The following UTS2 variants were observed in gnomAD, a reference collection of about 807,000 sequenced individuals.
UTS2 encodes urotensin-2.
UTS2 carries 10 observed loss-of-function variants against 12.6 expected under a neutral mutation model. That is an observed-to-expected ratio of 0.80 (90% CI 0.49 to 1.35). The LOEUF is 1.35. UTS2 is among the 40% of genes most tolerant of loss of function. The pLI is 0.00. For missense variants in UTS2, 142 were observed against 143.2 expected (o/e 0.99, Z 0.04); for synonymous variants, 52 against 50.0 (o/e 1.04, Z -0.17).
the UTS2 span, among the ~76,000 whole-genome samples, chr1:7,906,916 C>T: frequency 1.3e-5 from 2 of 152,034 alleles, no homozygotes; most frequent in African/African-American, 2.4e-5. Flanking sequence ...GAGACACATA[C>T]GATCATTATT....
chr1:7,850,848 G>A lies in UTS2; in HGVS notation c.178C>T (p.Leu60=), dbSNP rs1224734085. 4 of 1,614,200 alleles carry A rather than the reference G, an allele frequency of 2.5e-6. No homozygotes were observed. Among genetic ancestry groups the A allele is most frequent in the Non-Finnish European group, 1.7e-6 (2 of 1,180,038 alleles). ...AGAATATCCCCTCTTTCTGCACCCA[G>A]CATCTCTGGCAGTATCTGTAGAAGG... ...ASLLQILPEM[L]GAERGDILRK... Residue 60 remains leucine, a synonymous_variant, in exon 2 of 4, where the codon CTG becomes TTG. Coordinates refer to ENST00000361696, the MANE Select transcript of UTS2 (RefSeq NM_006786.4).
At chr1:7,877,346 G>T in the UTS2 span, among the ~76,000 whole-genome samples, 4 of 152,032 alleles carry the variant, frequency 2.6e-5, no homozygotes, top group African/African-American at 9.6e-5. Flanking sequence ...ACAATGCAAA[G>T]AAATCAGAGA....
At chr1:7,876,471 A>G in the UTS2 span, among the ~76,000 whole-genome samples, 1 of 152,170 alleles carries the variant, frequency 6.6e-6, no homozygotes, top group Non-Finnish European at 1.5e-5. Flanking sequence ...CACCACCAGT[A>G]CTGTTATCAT....
chr1:7,848,959 G>A (rs2151381843), intron 3 of UTS2, among the ~76,000 whole-genome samples: 2 of 152,248 alleles, frequency 1.3e-5, no homozygotes, highest in South Asian at 4.2e-4. Flanking sequence ...CAGGTCCTAG[G>A]TGGGCCTAAG....
chr1:7,911,119 G>A, the UTS2 span, among the ~76,000 whole-genome samples: 3 of 151,944 alleles, frequency 2.0e-5, no homozygotes, highest in Non-Finnish European at 4.4e-5. Context: ...GACCCAAGAC[G>A]GCTATCAGAC....
At chr1:7,849,415 T>C (rs2097411548) in intron 3 of UTS2, among the ~76,000 whole-genome samples, 1 of 152,152 alleles carries the variant, frequency 6.6e-6, no homozygotes, top group Admixed American at 6.5e-5. Context: ...TTCACCATGT[T>C]GGCCAGGCTG....
At chr1:7,860,832 C>A in the UTS2 span, among the ~76,000 whole-genome samples, 1,025 of 152,062 alleles carry the variant, frequency 6.7e-3, 13 homozygotes, top group African/African-American at 0.024. Context: ...CACTTGAGAT[C>A]AGGAGTTCGA....
At chr1:7,878,799 A>G in the UTS2 span, among the ~76,000 whole-genome samples, 1 of 152,238 alleles carries the variant, frequency 6.6e-6, no homozygotes, top group African/African-American at 2.4e-5. Context: ...GTAGACACAT[A>G]TGGACTAAAA....
At chr1:7,904,274 T>G in the UTS2 span, among the ~76,000 whole-genome samples, 1 of 149,806 alleles carries the variant, frequency 6.7e-6, no homozygotes. Context: ...GAGTCCAGCC[T>G]GGGCAACACA....
chr1:7,887,107 T>C, the UTS2 span, among the ~76,000 whole-genome samples: 2 of 151,624 alleles, frequency 1.3e-5, no homozygotes, highest in East Asian at 1.9e-4. Context: ...AGGCTGTTTT[T>C]TCTTTCTCTC....
chr1:7,856,061 G>A (rs1638298916), upstream of UTS2, among the ~76,000 whole-genome samples: 1 of 151,206 alleles, frequency 6.6e-6, no homozygotes, highest in African/African-American at 2.4e-5. Context: ...AAACTCCTGG[G>A]CTCCAGAGAT....
the UTS2 span, among the ~76,000 whole-genome samples, chr1:7,883,293 T>C: frequency 6.6e-6 from 1 of 152,188 alleles, no homozygotes; most frequent in African/African-American, 2.4e-5. Context: ...GAATGACAAA[T>C]ATTACATGTT....
At chr1:7,858,811 T>G in the UTS2 span, among the ~76,000 whole-genome samples, 1 of 152,322 alleles carries the variant, frequency 6.6e-6, no homozygotes, top group South Asian at 2.1e-4. Context: ...CTCAAACTCC[T>G]AGCCTCAAGT....
chr1:7,906,014 A>T, the UTS2 span, among the ~76,000 whole-genome samples: 2 of 152,086 alleles, frequency 1.3e-5, no homozygotes, highest in Non-Finnish European at 2.9e-5. Flanking sequence ...AACACACGGA[A>T]TTCTTTCCAG....
the UTS2 span, among the ~76,000 whole-genome samples, chr1:7,895,028 C>T: frequency 6.6e-5 from 10 of 151,846 alleles, no homozygotes; most frequent in African/African-American, 2.4e-4. Flanking sequence ...GTATCTTCTT[C>T]GTCGGCTTTG....
the UTS2 span, among the ~76,000 whole-genome samples, chr1:7,889,698 G>A: frequency 3.3e-5 from 5 of 152,080 alleles, no homozygotes; most frequent in Non-Finnish European, 7.3e-5. Flanking sequence ...GTGGGCACCT[G>A]TAGTCCCAGC....
At chr1:7,882,250 G>C in the UTS2 span, among the ~76,000 whole-genome samples, 27 of 152,112 alleles carry the variant, frequency 1.8e-4, no homozygotes, top group Non-Finnish European at 1.5e-5. Context: ...TGGAAGTATT[G>C]CTTGAGCCCA....
At chr1:7,856,984 C>A (rs1182107976), upstream of UTS2, among the ~76,000 whole-genome samples, 3 of 151,932 alleles carry the variant, frequency 2.0e-5, no homozygotes, top group African/African-American at 7.3e-5. Context: ...TTGCTTGAAC[C>A]CAGGAGGTGG....
chr1:7,881,207 G>T, the UTS2 span, among the ~76,000 whole-genome samples: 4 of 152,164 alleles, frequency 2.6e-5, no homozygotes, highest in Non-Finnish European at 4.4e-5. Flanking sequence ...AAAGCTGAAA[G>T]CCTTTCCTCT....
Sources: allele counts gnomAD v4.1 joint callset (sites outside exome capture counted in the v4.1 genomes callset), GRCh38; gene constraint gnomAD v4.1.1; transcripts MANE v1.5; gene names NCBI Gene and HGNC (gene_info 2026-07-23, HGNC 2026-07-21).